Variants in ACCSL observed in about 807,000 individuals in gnomAD.
The protein encoded by ACCSL is 1-aminocyclopropane-1-carboxylate synthase homolog (inactive) like, also known as probable inactive 1-aminocyclopropane-1-carboxylate synthase-like protein 2.
ACCSL carries 55 observed loss-of-function variants against 61.7 expected under a neutral mutation model. That is an observed-to-expected ratio of 0.89 (90% confidence interval 0.72 to 1.12). The LOEUF is 1.12. ACCSL is among the 50% of genes most tolerant of loss of function. The pLI, the probability that ACCSL is intolerant of heterozygous loss-of-function variation, is 0.00. For synonymous variants in ACCSL, 258 were observed against 264.3 expected, an observed-to-expected ratio of 0.98 and a Z score of 0.23; for missense variants, 632 against 698.0, an observed-to-expected ratio of 0.91 and a Z score of 1.07.
At chr11:43,965,584 AC>A in the ACCSL span, among the ~76,000 whole-genome samples, 3 of 152,186 alleles carry the variant, frequency 2.0e-5, no homozygotes, top group East Asian at 5.8e-4. Context: ...CCTTTTAAAA[AC>A]TTTTTTTGCA....
chr11:44,023,949 G>T, the ACCSL span, among the ~76,000 whole-genome samples: 1 of 152,042 alleles, frequency 6.6e-6, no homozygotes, highest in Admixed American at 6.6e-5. Context: ...CATATGTGTG[G>T]ATTTCCTGAA....
At chr11:43,971,284 CAA>C in the ACCSL span, among the ~76,000 whole-genome samples, 6 of 137,612 alleles carry the variant, frequency 4.4e-5, no homozygotes, top group Non-Finnish European at 7.8e-5. Flanking sequence ...GACTCTGTCT[CAA>C]AAAAAAAAAA....
the ACCSL span, among the ~76,000 whole-genome samples, chr11:43,965,421 A>T: frequency 6.6e-6 from 1 of 152,230 alleles, no homozygotes; most frequent in Non-Finnish European, 1.5e-5. Flanking sequence ...GTACACCGAA[A>T]ACTACAAAAC....
chr11:44,022,995 T>A, the ACCSL span, among the ~76,000 whole-genome samples: 3 of 151,806 alleles, frequency 2.0e-5, no homozygotes, highest in Admixed American at 6.6e-5. Context: ...TAATTCAATC[T>A]CTTTATTTAT....
At chr11:44,008,364 G>T in the ACCSL span, among the ~76,000 whole-genome samples, 2 of 152,214 alleles carry the variant, frequency 1.3e-5, no homozygotes, top group Non-Finnish European at 2.9e-5. Context: ...TCCGGGGCTG[G>T]TGCCTGGACT....
chr11:44,023,972 A>G, the ACCSL span, among the ~76,000 whole-genome samples: 29,369 of 151,872 alleles, frequency 0.19, 3,002 homozygotes, highest in East Asian at 0.31. Context: ...TTCTGTTGTT[A>G]TTGTGATGGT....
chr11:44,057,872 G>C (rs1049923729), intron 11 of ACCSL, among the ~76,000 whole-genome samples: 2 of 152,184 alleles, frequency 1.3e-5, no homozygotes, highest in Non-Finnish European at 2.9e-5. Flanking sequence ...ACATACTAGA[G>C]TTAGTCTTAG....
chr11:43,966,449 A>C, the ACCSL span, among the ~76,000 whole-genome samples: 2 of 151,838 alleles, frequency 1.3e-5, no homozygotes, highest in African/African-American at 2.4e-5. Flanking sequence ...AGAAAAAAAA[A>C]TTAAAAGCTT....
intron 3 of ACCSL, among the ~76,000 whole-genome samples, chr11:44,050,840 CTTTTT>C (rs66464203): frequency 1.6e-5 from 2 of 126,764 alleles, no homozygotes; most frequent in Non-Finnish European, 3.3e-5. Flanking sequence ...GGCCTGAGTT[CTTTTT>C]TTTTTTTTTT....
chr11:44,047,250 C>T (rs551438551), upstream of ACCSL, among the ~76,000 whole-genome samples: 10 of 151,958 alleles, frequency 6.6e-5, no homozygotes, highest in Non-Finnish European at 1.0e-4. Context: ...GCAGCTGTCA[C>T]AGTGAGTAGG....
chr11:43,999,652 G>A, the ACCSL span, among the ~76,000 whole-genome samples: 6 of 152,186 alleles, frequency 3.9e-5, no homozygotes, highest in East Asian at 3.9e-4. Context: ...GTATTCTGTC[G>A]GTTAGAAGCC....
At chr11:44,055,993 C>T (rs757247936) in intron 9 of ACCSL, 47 bp from the exon 10 acceptor site, 2 of 1,609,386 alleles carry the variant, frequency 1.2e-6, no homozygotes, top group Non-Finnish European at 8.5e-7. Context: ...AAATCTTCAT[C>T]AACTATTTCT....
the ACCSL span, among the ~76,000 whole-genome samples, chr11:44,009,680 G>A: frequency 1.3e-5 from 2 of 151,928 alleles, no homozygotes. Context: ...CAGGAGGATC[G>A]CTTGAGCCCA....
chr11:44,044,703 C>A (rs1224584008), upstream of ACCSL, among the ~76,000 whole-genome samples: 2 of 152,152 alleles, frequency 1.3e-5, no homozygotes. Context: ...TAGAAGTATC[C>A]TTCTGTAAAC....
At chr11:44,057,992 G>T (rs543610514) in intron 11 of ACCSL, among the ~76,000 whole-genome samples, 2 of 152,320 alleles carry the variant, frequency 1.3e-5, no homozygotes, top group East Asian at 3.9e-4. Context: ...GGCCAACATG[G>T]TGAAACCCCA....
the ACCSL span, among the ~76,000 whole-genome samples, chr11:43,970,385 G>A: frequency 6.6e-6 from 1 of 151,996 alleles, no homozygotes; most frequent in Non-Finnish European, 1.5e-5. Flanking sequence ...TTTTATTTTT[G>A]TAGAGACAAG....
intron 5 of ACCSL, 76 bp from the exon 6 acceptor site, chr11:44,052,586 G>T: frequency 4.7e-6 from 6 of 1,263,978 alleles, no homozygotes; most frequent in Non-Finnish European, 6.9e-6. Flanking sequence ...CGATAGCTTT[G>T]CTAGTTTGGG....
the ACCSL span, among the ~76,000 whole-genome samples, chr11:44,024,439 CTCTGTGTGTGTGTGTGTG>C: frequency 2.0e-4 from 10 of 48,906 alleles, no homozygotes; most frequent in African/African-American, 6.1e-4. Flanking sequence ...CTCTCTCTCT[CTCTGTGTGTGTGTGTGTG>C]TGTGTGTGTG....
chr11:44,031,743 C>T, the ACCSL span, among the ~76,000 whole-genome samples: 719 of 152,272 alleles, frequency 4.7e-3, 3 homozygotes, highest in African/African-American at 0.016. Context: ...GAGGAATTCA[C>T]GTCTCCTAGG....
Sources: allele counts gnomAD v4.1 joint callset (sites outside exome capture counted in the v4.1 genomes callset), GRCh38; gene constraint gnomAD v4.1.1; transcripts MANE v1.5; gene names NCBI Gene and HGNC (gene_info 2026-07-23, HGNC 2026-07-21).